Variants in TRHDE observed in about 807,000 individuals in gnomAD.
TRHDE encodes the protein thyrotropin releasing hormone degrading enzyme.
Under a neutral mutation model 125.7 loss-of-function variants are expected in TRHDE, and 72 were observed. The ratio of observed to expected loss-of-function variants is 0.57; its 90% CI spans 0.47 to 0.70. The LOEUF is 0.70. Ranked by LOEUF, TRHDE falls within the 30% of genes least tolerant of loss-of-function variation. The probability of loss-of-function intolerance (pLI) is 0.00; values close to 1 mark genes in which losing one functional copy is unlikely to be tolerated. For synonymous variants in TRHDE, 509 were observed against 509.1 expected (o/e 1.00, Z 0.00); for missense variants, 1,110 against 1,327.1 (o/e 0.84, Z 2.54).
intron 2 of TRHDE, among the ~76,000 whole-genome samples, chr12:72,224,075 T>TATCC (rs1312825550): frequency 2.4e-4 from 16 of 67,390 alleles, no homozygotes; most frequent in African/African-American, 6.8e-4. Flanking sequence ...CCTATCTATC[T>TATCC]ATCCATCTAT....
At chr12:72,469,373 G>A (rs1876535202) in intron 3 of TRHDE, among the ~76,000 whole-genome samples, 1 of 152,166 alleles carries the variant, frequency 6.6e-6, no homozygotes, top group South Asian at 2.1e-4. Context: ...GTAAATGTAA[G>A]AATATAGTAT....
intron 12 of TRHDE, among the ~76,000 whole-genome samples, chr12:72,598,740 T>C (rs947153737): frequency 6.6e-6 from 1 of 152,160 alleles, no homozygotes; most frequent in Non-Finnish European, 1.5e-5. Context: ...ATTTCAACTT[T>C]TTTTTAGATT....
intron 2 of TRHDE, chr12:72,258,340 C>G (rs1878865252): frequency 6.6e-6 from 1 of 152,104 alleles, no homozygotes; most frequent in Admixed American, 6.6e-5. Flanking sequence ...AGGATGCCAA[C>G]AGAGTAGACA....
intron 12 of TRHDE, among the ~76,000 whole-genome samples, chr12:72,599,334 C>T (rs769706039): frequency 2.6e-5 from 4 of 152,126 alleles, no homozygotes; most frequent in Non-Finnish European, 4.4e-5. Flanking sequence ...AATTTATATT[C>T]CCTTCATCAG....
intron 3 of TRHDE, among the ~76,000 whole-genome samples, chr12:72,420,433 A>AC (rs1873904919): frequency 6.6e-6 from 1 of 152,214 alleles, no homozygotes; most frequent in African/African-American, 2.4e-5. Context: ...ATAAGCAACT[A>AC]TAAAGGACTT....
chr12:72,246,775 C>G (rs896421747), intron 2 of TRHDE, among the ~76,000 whole-genome samples: 1 of 152,124 alleles, frequency 6.6e-6, no homozygotes, highest in Non-Finnish European at 1.5e-5. Flanking sequence ...GCTTTTGAAA[C>G]TTTTCCAACA....
chr12:72,403,873 G>A (rs778313290), intron 3 of TRHDE, among the ~76,000 whole-genome samples: 1 of 152,126 alleles, frequency 6.6e-6, no homozygotes, highest in Non-Finnish European at 1.5e-5. Context: ...GGAGTGGAGG[G>A]GGTAGGTCAT....
At chr12:72,571,540 A>T (rs1317147576) in intron 10 of TRHDE, among the ~76,000 whole-genome samples, 1 of 152,174 alleles carries the variant, frequency 6.6e-6, no homozygotes, top group Non-Finnish European at 1.5e-5. Context: ...CCTAAAAATA[A>T]TTTTTAAACC....
At chr12:72,364,286 G>C (rs1692879817) in intron 2 of TRHDE, among the ~76,000 whole-genome samples, 1 of 151,932 alleles carries the variant, frequency 6.6e-6, no homozygotes, top group African/African-American at 2.4e-5. Flanking sequence ...GGCTGTTCCT[G>C]GAATTCATTC....
At chr12:72,635,183 T>A (rs1011114160) in intron 15 of TRHDE, among the ~76,000 whole-genome samples, 2 of 151,934 alleles carry the variant, frequency 1.3e-5, no homozygotes, top group Admixed American at 6.6e-5. Context: ...GACTTTTTAA[T>A]GATTGCCATT....
rs144179716 is a variant in TRHDE, at chr12:72,142,986, C to A, written n.279+37234C>A. ...ATTTTTCTGGGATGCTGGGGAAGAACTTGGGATACAGAAAACTGTCACACT... is the reference window on the plus strand; with the variant it reads ...ATTTTTCTGGGATGCTGGGGAAGAAATTGGGATACAGAAAACTGTCACACT... On this transcript the variant is annotated intron_variant and non_coding_transcript_variant, in intron 2 of 4. Transcript: ENST00000548156. Among the ~76,000 whole-genome samples the A allele has an allele frequency of 5.6e-3, 857 of 152,164 alleles. 5 individuals carry two copies. The highest frequency in any genetic ancestry group is 0.019 in the African/African-American group (797 of 41,508).
rs553404166 is a variant in TRHDE at position 72,232,171 on chromosome 12, A to G, written n.279+126419A>G. Reference sequence around the variant, plus strand: ...CATGCAGGGCAACATGGGAAGTGCCAGGGTCAGTCAGGAGATAGAATGATC... The same window carrying G: ...CATGCAGGGCAACATGGGAAGTGCCGGGGTCAGTCAGGAGATAGAATGATC... On this transcript the variant is annotated intron_variant and non_coding_transcript_variant, in intron 2 of 4. Coordinates refer to the TRHDE transcript ENST00000548156. Among the ~76,000 whole-genome samples the G allele has an allele frequency of 7.2e-5, 11 of 152,316 alleles. No individual in the cohort carries two copies. In the East Asian group the frequency reaches 1.4e-3, roughly 19 times the overall value.
At chr12:72,361,393 A>G (rs757596106) in intron 2 of TRHDE, among the ~76,000 whole-genome samples, 5 of 151,842 alleles carry the variant, frequency 3.3e-5, no homozygotes, top group Admixed American at 1.3e-4. Flanking sequence ...TGCCAATAGT[A>G]ATATTTGATA....
chr12:72,260,031 G>A (rs1035298626), intron 2 of TRHDE, among the ~76,000 whole-genome samples: 1 of 152,116 alleles, frequency 6.6e-6, no homozygotes, highest in African/African-American at 2.4e-5. Context: ...TGAAAATATT[G>A]TAAGATGGCA....
At chr12:72,627,219 A>G (rs1873296009) in intron 15 of TRHDE, among the ~76,000 whole-genome samples, 1 of 151,938 alleles carries the variant, frequency 6.6e-6, no homozygotes, top group Non-Finnish European at 1.5e-5. Flanking sequence ...GATTGCCCCC[A>G]AATTTCCAGT....
chr12:72,326,954 A>G (rs1274687195), intron 2 of TRHDE, among the ~76,000 whole-genome samples: 1 of 152,184 alleles, frequency 6.6e-6, no homozygotes, highest in Non-Finnish European at 1.5e-5. Flanking sequence ...ATCTATATCT[A>G]TCTACACCTA....
chr12:72,366,107 C>G (rs1265866275), intron 2 of TRHDE, among the ~76,000 whole-genome samples: 1 of 152,116 alleles, frequency 6.6e-6, no homozygotes, highest in Non-Finnish European at 1.5e-5. Context: ...TGTGATTACA[C>G]TTAGGATCTA....
At chr12:72,592,090 C>G (rs1341866364) in intron 12 of TRHDE, among the ~76,000 whole-genome samples, 3 of 151,388 alleles carry the variant, frequency 2.0e-5, no homozygotes. Flanking sequence ...CCCATTTGCT[C>G]TTTATGTATT....
chr12:72,139,748 A>G (rs1451688732), intron 2 of TRHDE, among the ~76,000 whole-genome samples: 5 of 152,188 alleles, frequency 3.3e-5, no homozygotes, highest in Non-Finnish European at 5.9e-5. Context: ...ATTGTAAATC[A>G]AAAATAAAAT....
Sources: gnomAD v4.1 joint callset for allele counts (sites outside exome capture counted in the v4.1 genomes callset) on GRCh38, gnomAD v4.1.1 for gene constraint, MANE v1.5 for transcripts, NCBI Gene and HGNC (gene_info 2026-07-23, HGNC 2026-07-21) for gene names.